NOX1: variants seen among roughly 807,000 people sequenced by gnomAD.
NOX1 encodes NADPH oxidase 1.
A neutral mutation model predicts 42.5 loss-of-function variants in NOX1; 34 were observed. The observed-to-expected ratio is 0.80, with a 90% confidence interval of 0.61 to 1.07. The LOEUF (loss-of-function observed/expected upper bound fraction) is 1.07. Ranked by LOEUF, NOX1 falls within the 50% of genes least tolerant of loss-of-function variation. NOX1 has a pLI of 0.00. For missense variants in NOX1, 408 were observed against 427.0 expected, an observed-to-expected ratio of 0.96 and a Z score of 0.39; for synonymous variants, 143 against 152.5, an observed-to-expected ratio of 0.94 and a Z score of 0.46.
At chrX:100,872,774 T>G (rs1569449632) in intron 1 of NOX1, among the ~76,000 whole-genome samples, 1 of 109,984 alleles carries the variant, frequency 9.1e-6, no homozygotes, top group Non-Finnish European at 1.9e-5. Context: ...TCCCCCCACC[T>G]ACACACCCAC....
At chrX:100,871,085 T>C (rs983199821) in intron 1 of NOX1, among the ~76,000 whole-genome samples, 2 of 112,160 alleles carry the variant, frequency 1.8e-5, no homozygotes, top group Non-Finnish European at 3.8e-5. Flanking sequence ...CAGAATTGTT[T>C]TTTATATTTT....
chrX:100,869,121 T>G (rs1474522695), intron 2 of NOX1, among the ~76,000 whole-genome samples: 2 of 110,515 alleles, frequency 1.8e-5, no homozygotes, highest in South Asian at 3.9e-4. Flanking sequence ...TTCTTTTGGC[T>G]TAGGATTGAC....
intron 2 of NOX1, among the ~76,000 whole-genome samples, chrX:100,863,833 A>G (rs1036760703): frequency 3.6e-5 from 4 of 112,098 alleles, no homozygotes; most frequent in Admixed American, 1.9e-4. Context: ...GTTTGACTAC[A>G]TTTATTAACA....
At chrX:100,851,371 G>A (rs373822302) in intron 7 of NOX1, 46 bp from the exon 8 acceptor site, 2 of 718,897 alleles carry the variant, frequency 2.8e-6, no homozygotes, top group Non-Finnish European at 4.1e-6. Context: ...CTAATTTCTT[G>A]TTTAGGACTT....
chrX:100,873,405 G>T (rs952157762), intron 1 of NOX1, among the ~76,000 whole-genome samples: 1 of 111,938 alleles, frequency 8.9e-6, no homozygotes, highest in East Asian at 2.8e-4. Context: ...TCTGCACTAT[G>T]CAATGCCACA....
At chrX:100,844,144 T>G in intron 12 of NOX1, 66 bp from the exon 13 acceptor site, 1 of 968,924 alleles carries the variant, frequency 1.0e-6, no homozygotes, top group Middle Eastern at 2.7e-4. Context: ...ACTGCCTCTG[T>G]TAGGCCTCTA....
At chrX:100,863,765 T>G (rs912368504) in intron 2 of NOX1, among the ~76,000 whole-genome samples, 170 bp from the exon 3 acceptor site, 5 of 111,361 alleles carry the variant, frequency 4.5e-5, no homozygotes, top group Non-Finnish European at 9.4e-5. Flanking sequence ...GCAAAATACA[T>G]AAAACATACT....
Position 100,859,934 on chromosome X carries a change from T to C in NOX1, c.804+2237A>G, listed in dbSNP as rs755347408. On this transcript the variant is annotated intron_variant, in intron 7 of 12. Transcript: ENST00000372966. ...AGAAAATTACTTTCTAAATAGGTAA[T>C]ATATGTATATGGTACAAAATCTGAA... is the stretch of plus-strand genomic sequence containing the variant. 7.3e-5 allele frequency among the ~76,000 whole-genome samples: 8 copies of C among 110,312 alleles called. No individual in the cohort carries two copies. The South Asian group carries it at 3.1e-3, about 43-fold the overall frequency.
Position 100,863,673 on chromosome X carries a change from C to A in NOX1, c.142-78G>T, listed in dbSNP as rs2085221431. ...ACGTGAGCAACTGACCCAGCCCACT[C>A]ATCTGAGGCCTGCAAATGAACAGGG... On this transcript the variant is annotated intron_variant, in intron 2 of 12. Coordinates refer to ENST00000372966, the MANE Select transcript of NOX1 (RefSeq NM_007052.5). The A allele has an allele frequency of 4.5e-6, 5 of 1,120,922 alleles. No homozygotes were observed. In the South Asian group the frequency reaches 1.1e-4, roughly 25 times the overall value. 92.4% of individuals were successfully genotyped at this position (1,120,922 alleles called of 1,213,427 possible).
chrX:100,853,312 T>TTC lies in NOX1; in HGVS notation c.805-1989_805-1988dup, dbSNP rs1569445654. ...TTTCTTTCTTTCTTTCTTTCTTTCT[T>TTC]TCTTTCTTTCTCTCTCTTTCTCTTT... is the stretch of plus-strand genomic sequence containing the variant. On this transcript the variant is annotated intron_variant, in intron 7 of 12. Coordinates refer to ENST00000372966, the MANE Select transcript of NOX1 (RefSeq NM_007052.5). Among the ~76,000 whole-genome samples the TTC allele has an allele frequency of 8.9e-4, 77 of 86,352 alleles. 1 individual carries two copies. Among genetic ancestry groups the TTC allele is most frequent in the African/African-American group, 3.3e-3 (66 of 20,061 alleles). The allele number at this position is 86,352 out of a possible 115,157, so 75.0% of individuals were successfully genotyped here.
intron 2 of NOX1, among the ~76,000 whole-genome samples, chrX:100,867,099 C>G (rs1451837420): frequency 2.7e-5 from 3 of 111,892 alleles, no homozygotes; most frequent in Admixed American, 9.5e-5. Context: ...GTGGCGCGAT[C>G]TCGGCTCACT....
chrX:100,855,154 G>A, intron 7 of NOX1: 6 of 396,603 alleles, frequency 1.5e-5, no homozygotes, highest in South Asian at 1.2e-4. Flanking sequence ...ATGAGTATTT[G>A]TATAAAACAT....
At chrX:100,853,060 G>T (rs1327738383) in intron 7 of NOX1, among the ~76,000 whole-genome samples, 1 of 111,363 alleles carries the variant, frequency 9.0e-6, no homozygotes, top group Non-Finnish European at 1.9e-5. Context: ...AGCCTCAAAA[G>T]CATTCCTTCT....
chrX:100,846,851 CAG>C (rs1237333683), intron 12 of NOX1, among the ~76,000 whole-genome samples: 1 of 112,192 alleles, frequency 8.9e-6, no homozygotes, highest in East Asian at 2.8e-4. Flanking sequence ...GAATCAAGAT[CAG>C]AGAGTTCAGA....
At position 100,874,095 on chromosome X, in the gene NOX1, C is replaced by A. The variant is rs757076557; in HGVS notation, c.45G>T (p.Leu15=). Residue 15 remains leucine, a splice_region_variant and synonymous_variant, in exon 1 of 13, where the codon CTG becomes CTT. Transcript: ENST00000372966. ...VVNHWFSVLF[L]VVWLGLNVFL... is the part of the protein sequence containing the mutation. ...TAATAGGAAGTCAAACATCACTTAC[C>A]AGAAACAAAACTGAAAACCAGTGGT... 8.4e-7 allele frequency: 1 copy of A among 1,193,456 alleles called. No individual in the cohort carries two copies. The highest frequency in any genetic ancestry group is 1.8e-5 in the South Asian group (1 of 55,650).
intron 9 of NOX1, 105 bp from the exon 10 acceptor site, chrX:100,850,039 T>C: frequency 1.0e-6 from 1 of 981,623 alleles, no homozygotes; most frequent in Non-Finnish European, 1.4e-6. Flanking sequence ...CTTCTGCATA[T>C]TTATTATAAT....
At chrX:100,851,037 G>T (rs1332587996) in intron 8 of NOX1, among the ~76,000 whole-genome samples, 196 bp downstream of exon 8, 2 of 109,550 alleles carry the variant, frequency 1.8e-5, no homozygotes, top group Non-Finnish European at 3.8e-5. Context: ...ATGGGGTTTC[G>T]CCATGTTGGC....
chrX:100,869,872 A>G (rs868651014), intron 2 of NOX1, among the ~76,000 whole-genome samples: 200 of 101,129 alleles, frequency 2.0e-3, no homozygotes, highest in African/African-American at 6.3e-3. Flanking sequence ...TTAGCATGAA[A>G]GGTTGTTGAA....
At chrX:100,863,276 G>C (rs779522190) in intron 3 of NOX1, 33 bp from the exon 4 acceptor site, 4 of 1,095,080 alleles carry the variant, frequency 3.7e-6, no homozygotes, top group Non-Finnish European at 5.1e-6. Context: ...GTCAGATGTC[G>C]CCAGCCAGCT....
Sources: allele counts gnomAD v4.1 joint callset (sites outside exome capture counted in the v4.1 genomes callset), GRCh38; gene constraint gnomAD v4.1.1; transcripts MANE v1.5; gene names NCBI Gene and HGNC (gene_info 2026-07-23, HGNC 2026-07-21).